Variants in ARHGEF7 observed in about 807,000 individuals in gnomAD.
ARHGEF7 encodes the protein Rho guanine nucleotide exchange factor 7.
In ARHGEF7, 33 loss-of-function variants were observed where a neutral mutation model predicts 109.8. The ratio of observed to expected loss-of-function variants is 0.30; its 90% CI spans 0.23 to 0.40. The LOEUF is 0.40. ARHGEF7 is among the 10% of genes least tolerant of loss of function. The pLI is 1.00. For missense variants in ARHGEF7, 938 were observed against 1,098.5 expected, an observed-to-expected ratio of 0.85 and a Z score of 2.07; for synonymous variants, 458 against 424.6, an observed-to-expected ratio of 1.08 and a Z score of -0.97.
chr13:111,178,334 T>A (rs1340709428), intron 2 of ARHGEF7, among the ~76,000 whole-genome samples: 1 of 152,204 alleles, frequency 6.6e-6, no homozygotes, highest in Non-Finnish European at 1.5e-5. Flanking sequence ...AGATGTGCAG[T>A]CTACATTTAA....
intron 15 of ARHGEF7, chr13:111,281,209 T>C (rs1162768201): frequency 8.4e-6 from 1 of 118,710 alleles, no homozygotes; most frequent in East Asian, 4.0e-4. Flanking sequence ...TTTTTTTTTT[T>C]ACAACTTTTC....
Position 111,153,930 on chromosome 13 carries a change from G to T in ARHGEF7, c.191G>T (p.Ser64Ile), listed in dbSNP as rs1229524492. 1.2e-6 allele frequency: 2 copies of T among 1,605,590 alleles called. No individual in the cohort carries two copies. Among genetic ancestry groups the T allele is most frequent in the African/African-American group, 2.7e-5 (2 of 73,334 alleles). Residue 64 changes from serine to isoleucine, a missense_variant, in exon 2 of 22, where the codon AGC (serine) becomes ATC (isoleucine). Physicochemically the swap from Ser to Ile is moderately radical, Grantham distance 142. Coordinates refer to ENST00000646102, the MANE Select transcript of ARHGEF7 (RefSeq NM_001354046.2). ...EKVYPEPRSE[S>I]ECLSNIREFL... is the part of the protein sequence containing the mutation. ...GTCTACCCCGAGCCCCGGAGCGAGA[G>T]CGAGTGCCTGAGCAACATCCGCGAG...
chr13:111,161,598 A>G (rs2076747393), intron 2 of ARHGEF7, among the ~76,000 whole-genome samples: 1 of 152,220 alleles, frequency 6.6e-6, no homozygotes. Flanking sequence ...TTGGAGCCAT[A>G]TGGTATATTT....
At chr13:111,128,049 A>C (rs2067694044) in intron 1 of ARHGEF7, among the ~76,000 whole-genome samples, 1 of 152,234 alleles carries the variant, frequency 6.6e-6, no homozygotes, top group Non-Finnish European at 1.5e-5. Flanking sequence ...TAGGAATAGA[A>C]GGAAACTTCC....
At position 111,244,198 on chromosome 13, in the gene ARHGEF7, G is replaced by C; in HGVS notation, c.855-1G>C. 6.3e-7 allele frequency: 1 copy of C among 1,589,952 alleles called. No homozygotes were observed. Among genetic ancestry groups the C allele is most frequent in the Admixed American group, 1.8e-5 (1 of 56,310 alleles). ...TTTACTGTTATTTTTCTTGGCTCTAGGTTAAGTTCAGCAAACATTTCATAT... is the reference window on the plus strand; with the variant it reads ...TTTACTGTTATTTTTCTTGGCTCTACGTTAAGTTCAGCAAACATTTCATAT... On this transcript the variant is annotated splice_acceptor_variant, in intron 7 of 21. Coordinates refer to ENST00000646102, the MANE Select transcript of ARHGEF7 (RefSeq NM_001354046.2). LOFTEE classifies it high-confidence loss of function.
chr13:111,204,608 T>C (rs1460861427), intron 2 of ARHGEF7, among the ~76,000 whole-genome samples: 1 of 152,030 alleles, frequency 6.6e-6, no homozygotes, highest in African/African-American at 2.4e-5. Context: ...TCCAGGATGG[T>C]GGTGGGAAGT....
intron 2 of ARHGEF7, chr13:111,182,671 G>T (rs1324701540): frequency 6.6e-6 from 1 of 152,280 alleles, no homozygotes; most frequent in African/African-American, 2.4e-5. Context: ...TCTCAGCTCT[G>T]CCCCCGCCAT....
chr13:111,238,954 A>C (rs1347995918), intron 6 of ARHGEF7, among the ~76,000 whole-genome samples: 2 of 152,176 alleles, frequency 1.3e-5, no homozygotes, highest in Non-Finnish European at 2.9e-5. Context: ...AGAGTTCCGC[A>C]TGGCTGGGGA....
chr13:111,118,894 A>T (rs1227509505), intron 1 of ARHGEF7, among the ~76,000 whole-genome samples: 1 of 152,208 alleles, frequency 6.6e-6, no homozygotes, highest in Non-Finnish European at 1.5e-5. Context: ...TGTGTAATCC[A>T]TGTGATGTGC....
At chr13:111,119,639 T>C (rs2067040196) in intron 1 of ARHGEF7, among the ~76,000 whole-genome samples, 1 of 152,206 alleles carries the variant, frequency 6.6e-6, no homozygotes, top group Non-Finnish European at 1.5e-5. Flanking sequence ...ATGGTTTGCA[T>C]TTCCCAAACT....
rs1472839206 is a variant in ARHGEF7, at chr13:111,115,505, G to C, written c.-22G>C. 8.2e-7 allele frequency: 1 copy of C among 1,224,308 alleles called. No homozygotes were observed. Among genetic ancestry groups the C allele is most frequent in the Admixed American group, 2.5e-5 (1 of 40,054 alleles). 75.8% of individuals were successfully genotyped at this position (1,224,308 alleles called of 1,614,324 possible). A position where few individuals can be genotyped will look rare whatever the true frequency, so the allele number is the denominator to read the frequency against. On this transcript the variant is annotated 5_prime_UTR_variant, in exon 1 of 22. Transcript: ENST00000646102. ...GAGGTGAAGGCGCGCGCCCCTCCCCGCCTGCCTCCCGGGCCGCAGCGATGA... is the reference window on the plus strand; with the variant it reads ...GAGGTGAAGGCGCGCGCCCCTCCCCCCCTGCCTCCCGGGCCGCAGCGATGA...
chr13:111,287,134 C>A (rs2093054419), intron 17 of ARHGEF7, among the ~76,000 whole-genome samples: 1 of 152,220 alleles, frequency 6.6e-6, no homozygotes, highest in South Asian at 2.1e-4. Context: ...CTGGGGTGTT[C>A]ATTCTTTTCT....
At chr13:111,291,147 G>A (rs1364768899) in intron 18 of ARHGEF7, among the ~76,000 whole-genome samples, 1 of 152,222 alleles carries the variant, frequency 6.6e-6, no homozygotes, top group African/African-American at 2.4e-5. Flanking sequence ...GTAGGGAGGG[G>A]CCAGGGCTAC....
At chr13:111,125,533 G>T (rs892130051) in intron 1 of ARHGEF7, among the ~76,000 whole-genome samples, 1 of 152,154 alleles carries the variant, frequency 6.6e-6, no homozygotes, top group African/African-American at 2.4e-5. Flanking sequence ...GGCATCCACA[G>T]CTCCAAGTGT....
chr13:111,151,669 A>G lies in ARHGEF7; in HGVS notation c.166-2236A>G, dbSNP rs760312850. On this transcript the variant is annotated intron_variant, in intron 1 of 21. Coordinates refer to ENST00000646102, the MANE Select transcript of ARHGEF7 (RefSeq NM_001354046.2). ...CATTGAACTCATGGCCAACAGCACT[A>G]TAACTCATGCCCGAACAAAGCTTAT... Among the ~76,000 whole-genome samples, 5 of 152,354 alleles carry G rather than the reference A, an allele frequency of 3.3e-5. No individual in the cohort carries two copies. The South Asian group carries it at 8.3e-4, about 25-fold the overall frequency.
intron 8 of ARHGEF7, among the ~76,000 whole-genome samples, chr13:111,245,715 G>A (rs144440333): frequency 6.2e-4 from 94 of 152,282 alleles, no homozygotes; most frequent in African/African-American, 2.1e-3. Context: ...GGCCAAATGC[G>A]TTGTTGATGT....
chr13:111,126,489 C>CAA (rs1002145808), intron 1 of ARHGEF7, among the ~76,000 whole-genome samples: 1 of 81,126 alleles, frequency 1.2e-5, no homozygotes, highest in African/African-American at 4.5e-5. Context: ...GACTCCATCT[C>CAA]AAAAAAAAAA....
intron 1 of ARHGEF7, among the ~76,000 whole-genome samples, chr13:111,123,333 C>T (rs1399357186): frequency 6.6e-6 from 1 of 152,216 alleles, no homozygotes; most frequent in Non-Finnish European, 1.5e-5. Context: ...GACCTATCCA[C>T]AGCCAGCCAA....
At chr13:111,283,574 C>G (rs548314240) in intron 16 of ARHGEF7, among the ~76,000 whole-genome samples, 28 of 152,228 alleles carry the variant, frequency 1.8e-4, no homozygotes, top group Non-Finnish European at 3.7e-4. Context: ...TGCAGGGTCC[C>G]CCTCCTTTCT....
Sources: allele counts gnomAD v4.1 joint callset (sites outside exome capture counted in the v4.1 genomes callset), GRCh38; gene constraint gnomAD v4.1.1; transcripts MANE v1.5; gene names NCBI Gene and HGNC (gene_info 2026-07-23, HGNC 2026-07-21).